The following MYO9A variants were observed in gnomAD, a reference collection of about 807,000 sequenced individuals.
MYO9A encodes myosin IXA, also known as unconventional myosin-IXa.
A neutral mutation model predicts 293.3 loss-of-function variants in MYO9A; 103 were observed. The observed-to-expected ratio is 0.35, with a 90% confidence interval of 0.30 to 0.41. The LOEUF is 0.41. Among genes scored for constraint, MYO9A ranks in the 10% least tolerant of loss-of-function variants. The pLI, the probability that MYO9A is intolerant of heterozygous loss-of-function variation, is 1.00. For synonymous variants in MYO9A, 1,001 were observed against 1,035.7 expected, an observed-to-expected ratio of 0.97 and a Z score of 0.64; for missense variants, 2,685 against 3,033.0, an observed-to-expected ratio of 0.89 and a Z score of 2.69.
intron 32 of MYO9A, among the ~76,000 whole-genome samples, chr15:71,875,140 CTA>C (rs766581353): frequency 3.3e-5 from 5 of 151,650 alleles, no homozygotes; most frequent in Non-Finnish European, 7.4e-5. Context: ...TATTTTGTAT[CTA>C]TGTTTCTATC....
chr15:72,043,817 TTAAA>T (rs1337804406), intron 2 of MYO9A, among the ~76,000 whole-genome samples: 1 of 152,216 alleles, frequency 6.6e-6, no homozygotes, highest in Non-Finnish European at 1.5e-5. Flanking sequence ...GTTATACACT[TTAAA>T]TATACGCAGT....
At chr15:72,075,097 T>C (rs1200972049) in intron 1 of MYO9A, among the ~76,000 whole-genome samples, 2 of 151,622 alleles carry the variant, frequency 1.3e-5, no homozygotes, top group Non-Finnish European at 2.9e-5. Context: ...ACCAAGCAGC[T>C]GGGATTATAG....
intron 1 of MYO9A, among the ~76,000 whole-genome samples, chr15:72,111,486 TA>T (rs200759527): frequency 0.028 from 3,941 of 142,230 alleles, 135 homozygotes; most frequent in African/African-American, 0.08. Flanking sequence ...GAGATTGTCT[TA>T]AAAAAAAAAA....
At chr15:71,985,792 T>C (rs540552739) in intron 11 of MYO9A, among the ~76,000 whole-genome samples, 34 of 152,332 alleles carry the variant, frequency 2.2e-4, no homozygotes, top group Admixed American at 7.2e-4. Context: ...TGAAGTTTTT[T>C]GGTTGTTCTC....
rs1335508734 is a variant in MYO9A at position 72,118,052 on chromosome 15, C to T, written c.-444G>A. The T allele has an allele frequency of 1.0e-5, 4 of 396,132 alleles. No homozygotes were observed. The highest frequency in any genetic ancestry group is 6.2e-5 in the African/African-American group (3 of 48,458). 24.5% of individuals were successfully genotyped at this position (396,132 alleles called of 1,614,324 possible). ...TCTCTCAACAGACACAGCCAACCGCCGCCGCGTCCCTTATCCGCTTCGGTC... is the reference window on the plus strand; with the variant it reads ...TCTCTCAACAGACACAGCCAACCGCTGCCGCGTCCCTTATCCGCTTCGGTC... On this transcript the variant is annotated 5_prime_UTR_variant, in exon 1 of 42. Coordinates refer to ENST00000356056, the MANE Select transcript of MYO9A (RefSeq NM_006901.4).
rs1380363205 is a variant in MYO9A, at chr15:71,850,142, G to A, written c.6607C>T (p.Arg2203Ter). ...VRIALQEDTN[R>*]MSANALAIVF... ...ATGGCCAAAGCATTAGCAGACATTC[G>A]ATTAGTGTCTTCCTGCAGAGCAATC... Residue 2203 changes from arginine (R) to a stop codon, truncating the protein, a stop_gained, in exon 38 of 42, where the codon CGA (arginine) becomes TGA (stop). Transcript: ENST00000356056. LOFTEE classifies it high-confidence loss of function. The A allele has an allele frequency of 6.2e-7, 1 of 1,614,018 alleles. No individual in the cohort carries two copies. Among genetic ancestry groups the A allele is most frequent in the Non-Finnish European group, 8.5e-7 (1 of 1,179,934 alleles).
chr15:72,003,326 A>AAAAAACT (rs111909853), intron 8 of MYO9A, among the ~76,000 whole-genome samples: 2,736 of 151,822 alleles, frequency 0.018, 93 homozygotes, highest in African/African-American at 0.063. Context: ...AAGCAAAAGA[A>AAAAAACT]AAAAACTAAG....
At chr15:71,936,962 AGAGAGAGAG>A (rs2058658781) in intron 16 of MYO9A, among the ~76,000 whole-genome samples, 1 of 146,260 alleles carries the variant, frequency 6.8e-6, no homozygotes, top group South Asian at 2.3e-4. Context: ...AAACAAAAGG[AGAGAGAGAG>A]GAGAGAGTGA....
At chr15:72,020,887 A>G (rs566095827) in intron 5 of MYO9A, 31 bp downstream of exon 5, 3 of 1,357,048 alleles carry the variant, frequency 2.2e-6, no homozygotes, top group East Asian at 2.7e-5. Context: ...ATACTGCCCT[A>G]TACTTCAAAA....
At position 72,032,358 on chromosome 15, in the gene MYO9A, CTAAAAAAAG is replaced by C. The variant is rs1362829882; in HGVS notation, c.935+127_935+135del. ...TTCTGAGGTTTTAACTTTTCCAAAA[CTAAAAAAAG>C]TTGACAGGGAAGAATTTTAATGCTG... On this transcript the variant is annotated intron_variant, in intron 3 of 41. Transcript: ENST00000356056. 7.6e-6 allele frequency: 4 copies of C among 529,380 alleles called. No individual in the cohort carries two copies. The African/African-American group carries it at 7.9e-5, about 10-fold the overall frequency. The allele number at this position is 529,380 out of a possible 1,614,324, so 32.8% of individuals were successfully genotyped here.
At chr15:71,926,938 G>A (rs1367384162) in intron 18 of MYO9A, among the ~76,000 whole-genome samples, 1 of 151,846 alleles carries the variant, frequency 6.6e-6, no homozygotes, top group East Asian at 1.9e-4. Context: ...AGTTCAGCCA[G>A]TTGTAGGGAC....
chr15:71,827,195 G>C (rs1052892679), intron 41 of MYO9A, 152 bp from the exon 42 acceptor site: 19 of 598,542 alleles, frequency 3.2e-5, no homozygotes, highest in Non-Finnish European at 1.7e-5. Flanking sequence ...GTCACAGTAA[G>C]AGCTCACCAT....
chr15:72,046,714 C>T, intron 1 of MYO9A, 80 bp from the exon 2 acceptor site: 2 of 938,344 alleles, frequency 2.1e-6, no homozygotes, highest in Non-Finnish European at 1.5e-6. Context: ...GCTTAACAAG[C>T]ATGTTGATTA....
At chr15:71,989,512 G>T (rs556362054) in intron 11 of MYO9A, among the ~76,000 whole-genome samples, 60 of 152,270 alleles carry the variant, frequency 3.9e-4, no homozygotes, top group African/African-American at 1.3e-3. Flanking sequence ...CAGTAGTTTT[G>T]TATCAGCCAT....
intron 1 of MYO9A, among the ~76,000 whole-genome samples, chr15:72,077,467 G>A (rs983428132): frequency 1.3e-5 from 2 of 151,918 alleles, no homozygotes; most frequent in African/African-American, 4.8e-5. Flanking sequence ...AGATGTGGGT[G>A]GATCATTTGA....
At chr15:71,947,920 T>C (rs970008738) in intron 15 of MYO9A, among the ~76,000 whole-genome samples, 3 of 152,244 alleles carry the variant, frequency 2.0e-5, no homozygotes, top group African/African-American at 7.2e-5. Flanking sequence ...CTGTCATTTC[T>C]GGAAGTGAGC....
intron 1 of MYO9A, among the ~76,000 whole-genome samples, chr15:72,101,240 G>A (rs1409782423): frequency 1.5e-5 from 2 of 135,086 alleles, no homozygotes; most frequent in African/African-American, 5.5e-5. Context: ...CCGGGAGGGA[G>A]GTGGGGGGGT....
intron 2 of MYO9A, among the ~76,000 whole-genome samples, chr15:72,044,403 CAAA>C (rs111300290): frequency 2.2e-4 from 22 of 101,670 alleles, no homozygotes; most frequent in African/African-American, 6.1e-4. Flanking sequence ...AAAATTGTCT[CAAA>C]AAAAAAAAAA....
At chr15:71,930,185 T>C (rs1019605188) in intron 18 of MYO9A, among the ~76,000 whole-genome samples, 2 of 152,192 alleles carry the variant, frequency 1.3e-5, no homozygotes, top group Non-Finnish European at 1.5e-5. Context: ...TGCTGTTGAC[T>C]GAAATGTTCT....
Sources: allele counts gnomAD v4.1 joint callset (sites outside exome capture counted in the v4.1 genomes callset), GRCh38; gene constraint gnomAD v4.1.1; transcripts MANE v1.5; gene names NCBI Gene and HGNC (gene_info 2026-07-23, HGNC 2026-07-21).